The following CEP128 variants were observed in gnomAD, a reference collection of about 807,000 sequenced individuals.
CEP128 encodes centrosomal protein 128kDa.
Under a neutral mutation model 156.7 loss-of-function variants are expected in CEP128, and 132 were observed. The ratio of observed to expected loss-of-function variants is 0.84; its 90% CI spans 0.73 to 0.97. CEP128 has a LOEUF of 0.97. CEP128 is among the 50% of genes least tolerant of loss of function. The pLI, the probability that CEP128 is intolerant of heterozygous loss-of-function variation, is 0.00. For missense variants in CEP128, 1,252 were observed against 1,281.9 expected, an observed-to-expected ratio of 0.98 and a Z score of 0.36; for synonymous variants, 469 against 448.9, an observed-to-expected ratio of 1.04 and a Z score of -0.57.
intron 2 of CEP128, among the ~76,000 whole-genome samples, chr14:80,920,207 A>G (rs928030366): frequency 1.3e-5 from 2 of 152,228 alleles, no homozygotes; most frequent in African/African-American, 4.8e-5. Flanking sequence ...TTGTGCCACA[A>G]CACAGAAGGC....
chr14:80,870,036 A>C lies in CEP128; in HGVS notation c.646-7163T>G, dbSNP rs530536639. ...AATTCCTAAAAACCTACAACTTACC[A>C]AGACTGAGTCACAAAGAAACAGAAA... is the stretch of plus-strand genomic sequence containing the variant. On this transcript the variant is annotated intron_variant, in intron 8 of 24. Coordinates refer to ENST00000555265, the MANE Select transcript of CEP128 (RefSeq NM_152446.5). Among the ~76,000 whole-genome samples the C allele has an allele frequency of 5.3e-5, 8 of 152,196 alleles. No homozygotes were observed. The South Asian group carries it at 1.7e-3, about 32-fold the overall frequency.
intron 20 of CEP128, among the ~76,000 whole-genome samples, chr14:80,577,264 C>T (rs1332781049): frequency 6.6e-6 from 1 of 152,128 alleles, no homozygotes; most frequent in Non-Finnish European, 1.5e-5. Flanking sequence ...CTTTTAGTAT[C>T]ATTCTTATGA....
intron 14 of CEP128, among the ~76,000 whole-genome samples, chr14:80,789,707 A>T (rs327424): frequency 0.42 from 64,437 of 151,956 alleles, 14,047 homozygotes; most frequent in African/African-American, 0.51. Context: ...GGCCTGAAAA[A>T]AGCTGTGCGA....
chr14:80,814,461 G>A (rs1884734128), intron 13 of CEP128, among the ~76,000 whole-genome samples: 1 of 148,364 alleles, frequency 6.7e-6, no homozygotes, highest in African/African-American at 2.5e-5. Flanking sequence ...CCTCTTCCTA[G>A]CACAATCCAC....
chr14:80,606,914 A>G (rs1449522979), intron 19 of CEP128, among the ~76,000 whole-genome samples: 1 of 151,882 alleles, frequency 6.6e-6, no homozygotes, highest in Admixed American at 6.6e-5. Flanking sequence ...AACAAGACAC[A>G]TACTCTTCCC....
intron 19 of CEP128, among the ~76,000 whole-genome samples, chr14:80,674,046 CAG>C (rs1895964564): frequency 6.6e-6 from 1 of 151,062 alleles, no homozygotes; most frequent in Non-Finnish European, 1.5e-5. Flanking sequence ...AAGAATTTTT[CAG>C]AGTTTCTTGC....
At chr14:80,571,092 C>A (rs934922310) in intron 20 of CEP128, among the ~76,000 whole-genome samples, 1 of 152,112 alleles carries the variant, frequency 6.6e-6, no homozygotes, top group African/African-American at 2.4e-5. Context: ...GCGGAAACAG[C>A]ACAAGAAAGG....
intron 24 of CEP128, among the ~76,000 whole-genome samples, chr14:80,503,304 A>G (rs577664193): frequency 9.4e-4 from 143 of 152,324 alleles, no homozygotes; most frequent in African/African-American, 3.3e-3. Flanking sequence ...CAGCCAGTGT[A>G]TATCTATAGA....
At chr14:80,952,269 T>G (rs899116882) in intron 2 of CEP128, among the ~76,000 whole-genome samples, 3 of 152,082 alleles carry the variant, frequency 2.0e-5, no homozygotes, top group African/African-American at 7.2e-5. Flanking sequence ...AATCATAAAA[T>G]GAGTCTCACT....
chr14:80,726,966 T>C (rs963122666), intron 19 of CEP128, among the ~76,000 whole-genome samples: 3 of 152,298 alleles, frequency 2.0e-5, no homozygotes, highest in East Asian at 1.9e-4. Flanking sequence ...TGAGAAAAGA[T>C]TGCATACAAA....
At chr14:80,941,134 A>C (rs921060239) in intron 1 of CEP128, among the ~76,000 whole-genome samples, 3 of 152,136 alleles carry the variant, frequency 2.0e-5, no homozygotes, top group Non-Finnish European at 2.9e-5. Flanking sequence ...GTCACTAATA[A>C]AGCGTTCCCG....
upstream of CEP128, among the ~76,000 whole-genome samples, chr14:80,946,325 A>C (rs1231421000): frequency 3.0e-5 from 2 of 67,478 alleles, no homozygotes; most frequent in African/African-American, 1.2e-4. Context: ...CTCATGATGC[A>C]TCATGATGAT....
At chr14:80,840,157 A>C (rs1197727970) in intron 10 of CEP128, among the ~76,000 whole-genome samples, 1 of 152,176 alleles carries the variant, frequency 6.6e-6, no homozygotes, top group African/African-American at 2.4e-5. Flanking sequence ...CTTATTTGCA[A>C]ATTAAGGAAG....
At chr14:80,882,597 G>A (rs1041078772) in intron 8 of CEP128, among the ~76,000 whole-genome samples, 3 of 152,116 alleles carry the variant, frequency 2.0e-5, no homozygotes, top group African/African-American at 7.2e-5. Flanking sequence ...GGTAATCAGT[G>A]TATCAGACAT....
intron 7 of CEP128, among the ~76,000 whole-genome samples, chr14:80,896,848 TCC>T (rs1447629323): frequency 6.6e-6 from 1 of 152,200 alleles, no homozygotes; most frequent in Non-Finnish European, 1.5e-5. Context: ...ACACTTACTT[TCC>T]TGCTCTAATT....
At chr14:80,953,563 C>A (rs1886514716) in intron 2 of CEP128, among the ~76,000 whole-genome samples, 3 of 152,116 alleles carry the variant, frequency 2.0e-5, no homozygotes, top group Admixed American at 2.0e-4. Context: ...CCAGCCTGGG[C>A]GACAGGGCGA....
intron 19 of CEP128, among the ~76,000 whole-genome samples, chr14:80,735,644 A>G (rs555211706): frequency 1.4e-4 from 21 of 152,326 alleles, no homozygotes; most frequent in African/African-American, 4.3e-4. Flanking sequence ...CCACAAACTT[A>G]GTGCCTTAAA....
intron 14 of CEP128, among the ~76,000 whole-genome samples, chr14:80,484,009 C>A (rs1887107006): frequency 6.6e-6 from 1 of 152,108 alleles, no homozygotes; most frequent in African/African-American, 2.4e-5. Flanking sequence ...CAGGGTCCCA[C>A]TCTGTTGCCT....
chr14:80,800,191 A>T (rs571461145), intron 13 of CEP128, among the ~76,000 whole-genome samples: 3 of 152,182 alleles, frequency 2.0e-5, no homozygotes, highest in African/African-American at 7.2e-5. Context: ...TTTATTTCTT[A>T]TGGAAAATAG....
Sources: allele counts gnomAD v4.1 joint callset (sites outside exome capture counted in the v4.1 genomes callset), GRCh38; gene constraint gnomAD v4.1.1; transcripts MANE v1.5; gene names NCBI Gene and HGNC (gene_info 2026-07-23, HGNC 2026-07-21).